The following MYO5A variants were observed in gnomAD, a reference collection of about 807,000 sequenced individuals.
MYO5A encodes the protein myosin VA.
In MYO5A, 98 loss-of-function variants were observed where a neutral mutation model predicts 249.7. The ratio of observed to expected loss-of-function variants is 0.39; its 90% CI spans 0.33 to 0.46. The LOEUF (loss-of-function observed/expected upper bound fraction) is 0.46, where lower values mean the gene tolerates loss of function less well. Ranked by LOEUF, MYO5A falls within the 20% of genes least tolerant of loss-of-function variation. MYO5A has a pLI of 0.98. For synonymous variants in MYO5A, 778 were observed against 810.6 expected (o/e 0.96, Z 0.68); for missense variants, 1,696 against 2,308.8 (o/e 0.73, Z 5.44).
intron 1 of MYO5A, among the ~76,000 whole-genome samples, chr15:52,512,573 A>C (rs193221593): frequency 3.5e-4 from 53 of 152,306 alleles, no homozygotes; most frequent in Non-Finnish European, 5.9e-4. Flanking sequence ...AAACATTAAG[A>C]GTATCTGAGG....
At chr15:52,407,612 T>C (rs1003140832) in intron 7 of MYO5A, among the ~76,000 whole-genome samples, 1 of 152,122 alleles carries the variant, frequency 6.6e-6, no homozygotes, top group African/African-American at 2.4e-5. Flanking sequence ...AGTTTATTTA[T>C]GTTAATTGGT....
chr15:52,500,772 T>C (rs1002399939), intron 1 of MYO5A, among the ~76,000 whole-genome samples: 4 of 152,106 alleles, frequency 2.6e-5, no homozygotes, highest in Non-Finnish European at 5.9e-5. Flanking sequence ...AATCAGTTCA[T>C]TCAGGTAGCT....
intron 9 of MYO5A, among the ~76,000 whole-genome samples, chr15:52,398,800 C>T (rs1567088554): frequency 6.6e-6 from 1 of 152,078 alleles, no homozygotes; most frequent in Non-Finnish European, 1.5e-5. Context: ...ACCAGCCTGG[C>T]CAACATGGTG....
At chr15:52,387,741 CAG>C in intron 14 of MYO5A, 86 bp downstream of exon 14, 2 of 1,060,754 alleles carry the variant, frequency 1.9e-6, no homozygotes, top group South Asian at 2.7e-5. Flanking sequence ...AAAACTGAAA[CAG>C]ATTTTTGTTA....
intron 1 of MYO5A, among the ~76,000 whole-genome samples, chr15:52,434,160 C>CG (rs1454686630): frequency 6.6e-6 from 1 of 151,956 alleles, no homozygotes; most frequent in Non-Finnish European, 1.5e-5. Flanking sequence ...CCACTGTGCC[C>CG]AGCTAATTTT....
chr15:52,416,422 G>T, intron 4 of MYO5A, 121 bp from the exon 5 acceptor site: 1 of 1,010,810 alleles, frequency 9.9e-7, no homozygotes, highest in South Asian at 1.4e-5. Context: ...GTCGATACTG[G>T]TGCTTATAAC....
In MYO5A at chr15:52,312,312, T is replaced by C. The variant is rs1359376422; in HGVS notation, c.*1384A>G. On this transcript the variant is annotated 3_prime_UTR_variant, in exon 42 of 42. Transcript: ENST00000399233. Reference sequence around the variant, plus strand: ...TATACCTTCTTTTGCATAATCAAAGTTTCAAGACCTGAATCGTGAATATTC... The same window carrying C: ...TATACCTTCTTTTGCATAATCAAAGCTTCAAGACCTGAATCGTGAATATTC... The C allele has an allele frequency of 6.6e-6, 1 of 152,218 alleles. No individual in the cohort carries two copies. Among genetic ancestry groups the C allele is most frequent in the East Asian group, 1.9e-4 (1 of 5,200 alleles). The allele number at this position is 152,218 out of a possible 1,614,324, so 9.4% of individuals were successfully genotyped here. A position where few individuals can be genotyped will look rare whatever the true frequency, so the allele number is the denominator to read the frequency against.
intron 36 of MYO5A, 147 bp from the exon 37 acceptor site, chr15:52,323,591 A>G: frequency 1.6e-6 from 1 of 631,666 alleles, no homozygotes. Flanking sequence ...GTGAAGTCTT[A>G]TGTCATTGCT....
At chr15:52,370,101 A>T in intron 22 of MYO5A, 68 bp downstream of exon 22, 1 of 1,598,290 alleles carries the variant, frequency 6.3e-7, no homozygotes, top group Non-Finnish European at 8.6e-7. Context: ...AGTCACACGG[A>T]CCAAGTCATG....
rs2038687183 is a variant in MYO5A, at chr15:52,327,972, A to T, written c.4590T>A (p.Ile1530=). 1 of 1,613,752 alleles carries T rather than the reference A, an allele frequency of 6.2e-7. No individual in the cohort carries two copies. The part of the protein sequence containing the change: ...LKPRGVAVNL[I]PGLPAYILFM... ...ACAGGATATATGCCGGTAATCCTGG[A>T]ATCAAATTGACTGCTACACCACGTG... Residue 1530 remains isoleucine (I), a synonymous_variant, in exon 36 of 42, where the codon ATT becomes ATA. Transcript: ENST00000399233.
Position 52,482,726 on chromosome 15 carries a change from A to T in MYO5A, c.27+46054T>A, listed in dbSNP as rs7183820. On this transcript the variant is annotated intron_variant, in intron 1 of 41. Coordinates refer to ENST00000399233, the MANE Select transcript of MYO5A (RefSeq NM_001382347.1). ...TGTGAACCTAAAATGGCTTTAAAAA[A>T]ATTTTTTTAAGTGAATCCGGTCCAT... 7.2e-5 allele frequency among the ~76,000 whole-genome samples: 11 copies of T among 152,174 alleles called. No homozygotes were observed. In the East Asian group the frequency reaches 9.6e-4, roughly 13 times the overall value.
rs751870236 is a variant in MYO5A at position 52,364,606 on chromosome 15, C to T, written c.3257G>A (p.Ser1086Asn). 6.2e-7 allele frequency: 1 copy of T among 1,613,924 alleles called. No homozygotes were observed. The highest frequency in any genetic ancestry group is 8.5e-7 in the Non-Finnish European group (1 of 1,179,942). The part of the protein sequence containing the change: ...LRYQNLLNEF[S>N]RLEERYDDLK... ...GTCATCATATCTTTCTTCCAGGCGA[C>T]TGAACTCATTCAGAAGGTTCTGATA... Residue 1086 changes from serine to asparagine, a missense_variant, in exon 24 of 42, where the codon AGT becomes AAT. Around this residue, in one of 5 missense-constraint regions of MYO5A, gnomAD observed 412 missense variants for 453.3 expected, o/e 0.91. Coordinates refer to ENST00000399233, the MANE Select transcript of MYO5A (RefSeq NM_001382347.1).
chr15:52,359,965 T>C lies in MYO5A; in HGVS notation c.3423+3A>G. On this transcript the variant is annotated splice_donor_region_variant and intron_variant, in intron 25 of 41. Transcript: ENST00000399233. Reference sequence around the variant, plus strand: ...CTTTCAGTGACAGATGTCTAAACTGTACCTCTGTCCTTGATGGAATGTCTT... The same window carrying C: ...CTTTCAGTGACAGATGTCTAAACTGCACCTCTGTCCTTGATGGAATGTCTT... 1.3e-6 allele frequency: 2 copies of C among 1,583,546 alleles called. No individual in the cohort carries two copies. Among genetic ancestry groups the C allele is most frequent in the Non-Finnish European group, 1.7e-6 (2 of 1,153,372 alleles).
intron 25 of MYO5A, among the ~76,000 whole-genome samples, chr15:52,359,083 T>C (rs1012992763): frequency 6.6e-6 from 1 of 152,250 alleles, no homozygotes; most frequent in African/African-American, 2.4e-5. Context: ...CTTGTATGTA[T>C]GATTCCAATG....
intron 1 of MYO5A, among the ~76,000 whole-genome samples, chr15:52,527,259 T>C (rs531301720): frequency 6.6e-6 from 1 of 152,328 alleles, no homozygotes; most frequent in South Asian, 2.1e-4. Context: ...ATAAGTTCCT[T>C]ATGAGGATTA....
chr15:52,505,214 C>T (rs564298632), intron 1 of MYO5A: 2 of 771,864 alleles, frequency 2.6e-6, no homozygotes, highest in African/African-American at 1.7e-5. Context: ...CTGAAAAGCC[C>T]CGCCGGCCTC....
intron 1 of MYO5A, among the ~76,000 whole-genome samples, chr15:52,470,063 G>C (rs1313924083): frequency 1.3e-5 from 2 of 152,106 alleles, no homozygotes; most frequent in East Asian, 3.8e-4. Flanking sequence ...TTATTGTTTT[G>C]GGCTGCATGG....
chr15:52,495,630 C>T (rs2077022485), intron 1 of MYO5A, among the ~76,000 whole-genome samples: 1 of 152,098 alleles, frequency 6.6e-6, no homozygotes, highest in African/African-American at 2.4e-5. Context: ...TATACCAAAA[C>T]ATCATATTGT....
At chr15:52,432,505 A>G (rs1420462625) in intron 2 of MYO5A, among the ~76,000 whole-genome samples, 1 of 152,242 alleles carries the variant, frequency 6.6e-6, no homozygotes, top group African/African-American at 2.4e-5. Context: ...TCTCACTTCA[A>G]ATTCCAAAAG....
Sources: allele counts gnomAD v4.1 joint callset (sites outside exome capture counted in the v4.1 genomes callset), GRCh38; gene constraint gnomAD v4.1.1; regional missense constraint gnomAD v4.1.1; transcripts MANE v1.5; gene names NCBI Gene and HGNC (gene_info 2026-07-23, HGNC 2026-07-21).